Variants in CTNNBL1 observed in about 807,000 individuals in gnomAD.
The protein encoded by CTNNBL1 is beta-catenin-like protein 1.
CTNNBL1 carries 31 observed loss-of-function variants against 72.7 expected under a neutral mutation model. That is an observed-to-expected ratio of 0.43 (90% CI 0.32 to 0.58). The LOEUF (loss-of-function observed/expected upper bound fraction) is 0.58, where lower values mean the gene tolerates loss of function less well. Ranked by LOEUF, CTNNBL1 falls within the 20% of genes least tolerant of loss-of-function variation. CTNNBL1 has a pLI of 0.08. For missense variants in CTNNBL1, 534 were observed against 725.1 expected, an observed-to-expected ratio of 0.74 and a Z score of 3.03; for synonymous variants, 240 against 267.3, an observed-to-expected ratio of 0.90 and a Z score of 1.00.
At chr20:37,851,182 C>T (rs1383121511) in intron 13 of CTNNBL1, among the ~76,000 whole-genome samples, 2 of 152,180 alleles carry the variant, frequency 1.3e-5, no homozygotes, top group Non-Finnish European at 2.9e-5. Context: ...TTTTAGCAGC[C>T]CCTAAACAGG....
intron 10 of CTNNBL1, among the ~76,000 whole-genome samples, chr20:37,784,689 G>A (rs150045868): frequency 2.2e-3 from 340 of 152,080 alleles, no homozygotes; most frequent in African/African-American, 7.7e-3. Context: ...CTTATTATAC[G>A]GTCTATGTCT....
intron 10 of CTNNBL1, among the ~76,000 whole-genome samples, chr20:37,789,771 CA>C (rs1272285851): frequency 6.6e-6 from 1 of 152,172 alleles, no homozygotes; most frequent in African/African-American, 2.4e-5. Context: ...CAGAATACTT[CA>C]ATGTTCTGTA....
chr20:37,815,032 A>G (rs1489899119), intron 11 of CTNNBL1, among the ~76,000 whole-genome samples: 2 of 151,892 alleles, frequency 1.3e-5, no homozygotes, highest in African/African-American at 4.8e-5. Flanking sequence ...TACTGAAAAC[A>G]TCATGGACAC....
At chr20:37,711,223 G>T (rs1168880646) in intron 1 of CTNNBL1, among the ~76,000 whole-genome samples, 1 of 152,124 alleles carries the variant, frequency 6.6e-6, no homozygotes, top group East Asian at 1.9e-4. Flanking sequence ...GTGAGTTCTC[G>T]TCTTATCTCC....
chr20:37,846,210 T>A (rs2072346034), intron 13 of CTNNBL1, among the ~76,000 whole-genome samples: 1 of 151,762 alleles, frequency 6.6e-6, no homozygotes. Flanking sequence ...GTTTTGTGGC[T>A]GAGCATTCGT....
intron 4 of CTNNBL1, chr20:37,750,889 TG>T (rs1177706467): frequency 7.2e-5 from 11 of 152,126 alleles, no homozygotes; most frequent in African/African-American, 2.4e-4. Flanking sequence ...GAAAGTGCCT[TG>T]GGAACAGTAT....
intron 15 of CTNNBL1, among the ~76,000 whole-genome samples, chr20:37,868,305 T>A (rs963290260): frequency 2.1e-5 from 3 of 143,268 alleles, no homozygotes; most frequent in African/African-American, 5.2e-5. Context: ...TTTTTTTTTT[T>A]ACTATCCACA....
chr20:37,702,103 A>T (rs1243005221), intron 1 of CTNNBL1, among the ~76,000 whole-genome samples: 1 of 151,774 alleles, frequency 6.6e-6, no homozygotes, highest in African/African-American at 2.4e-5. Flanking sequence ...CTGGTCTTGA[A>T]CTCTTGGACT....
intron 1 of CTNNBL1, among the ~76,000 whole-genome samples, chr20:37,702,607 A>G (rs1035273699): frequency 3.9e-5 from 6 of 152,232 alleles, no homozygotes; most frequent in East Asian, 1.9e-4. Context: ...GAACAGATAC[A>G]GAGCTATTCT....
At chr20:37,710,801 C>A (rs2072930786) in intron 1 of CTNNBL1, among the ~76,000 whole-genome samples, 1 of 152,138 alleles carries the variant, frequency 6.6e-6, no homozygotes, top group Admixed American at 6.6e-5. Context: ...CACCCACAGG[C>A]CCGTGAAATC....
intron 13 of CTNNBL1, among the ~76,000 whole-genome samples, chr20:37,858,716 TG>T (rs1176560487): frequency 6.6e-6 from 1 of 152,190 alleles, no homozygotes; most frequent in Admixed American, 6.5e-5. Flanking sequence ...TCAGTAAAGC[TG>T]GGTTTTTTGT....
intron 1 of CTNNBL1, among the ~76,000 whole-genome samples, chr20:37,726,677 T>C (rs934819316): frequency 2.6e-5 from 4 of 152,212 alleles, no homozygotes; most frequent in Non-Finnish European, 5.9e-5. Context: ...TTTATTACAA[T>C]GTTTAGAAGG....
intron 7 of CTNNBL1, among the ~76,000 whole-genome samples, chr20:37,775,174 T>G (rs2073563105): frequency 6.6e-6 from 1 of 152,206 alleles, no homozygotes; most frequent in Non-Finnish European, 1.5e-5. Flanking sequence ...GAGAAGATAA[T>G]ACACACAAAT....
intron 2 of CTNNBL1, among the ~76,000 whole-genome samples, chr20:37,734,867 G>A (rs1250315126): frequency 6.6e-6 from 1 of 152,218 alleles, no homozygotes; most frequent in African/African-American, 2.4e-5. Context: ...AGAAATTAAA[G>A]GAGGGAAGGC....
chr20:37,694,276 C>T (rs907656993), intron 1 of CTNNBL1, 124 bp downstream of exon 1: 136 of 821,846 alleles, frequency 1.7e-4, no homozygotes, highest in Middle Eastern at 2.3e-4. Flanking sequence ...TCATGCCACC[C>T]GGGGTCTCAG....
chr20:37,804,508 A>C (rs192109448), intron 11 of CTNNBL1, among the ~76,000 whole-genome samples: 17 of 152,216 alleles, frequency 1.1e-4, no homozygotes, highest in African/African-American at 4.1e-4. Context: ...ACTTCCCTTC[A>C]CTGCATTTTC....
At chr20:37,844,753 C>T (rs1341994827) in intron 13 of CTNNBL1, among the ~76,000 whole-genome samples, 3 of 152,106 alleles carry the variant, frequency 2.0e-5, no homozygotes, top group Non-Finnish European at 4.4e-5. Context: ...TTGAGACCAG[C>T]CTGGCCGACA....
rs575595757 is a variant in CTNNBL1 at position 37,866,505 on chromosome 20, A to G, written c.1604-5420A>G. ...CCTGTCTCAGAAGGCTGCTGTGAGA[A>G]TGAGGTGAAGTGCTGTATGTACAGT... On this transcript the variant is annotated intron_variant, in intron 15 of 15. Transcript: ENST00000361383. 2.6e-5 allele frequency among the ~76,000 whole-genome samples: 4 copies of G among 152,326 alleles called. No individual in the cohort carries two copies. In the East Asian group the frequency reaches 7.7e-4, roughly 29 times the overall value.
At chr20:37,804,947 T>C (rs1381314026) in intron 11 of CTNNBL1, among the ~76,000 whole-genome samples, 1 of 152,214 alleles carries the variant, frequency 6.6e-6, no homozygotes. Context: ...CAGGCTGTAA[T>C]GGCTGGGGAG....
Sources: gnomAD v4.1 joint callset for allele counts (sites outside exome capture counted in the v4.1 genomes callset) on GRCh38, gnomAD v4.1.1 for gene constraint, MANE v1.5 for transcripts, NCBI Gene and HGNC (gene_info 2026-07-23, HGNC 2026-07-21) for gene names.